The following POM121C variants were observed in gnomAD, a reference collection of about 807,000 sequenced individuals.
POM121C encodes POM121 transmembrane nucleoporin C, also known as nuclear envelope pore membrane protein POM 121C.
POM121C carries 20 observed loss-of-function variants against 66.4 expected under a neutral mutation model. That is an observed-to-expected ratio of 0.30 (90% CI 0.21 to 0.44). The LOEUF (loss-of-function observed/expected upper bound fraction) is 0.44, where lower values mean the gene tolerates loss of function less well. POM121C is among the 20% of genes least tolerant of loss of function. The pLI, the probability that POM121C is intolerant of heterozygous loss-of-function variation, is 1.00. For synonymous variants in POM121C, 286 were observed against 528.0 expected (o/e 0.54, Z 6.28); for missense variants, 580 against 1,225.7 (o/e 0.47, Z 7.87).
At chr7:75,432,366 G>C (rs755893606) in intron 7 of POM121C, among the ~76,000 whole-genome samples, 104 of 152,266 alleles carry the variant, frequency 6.8e-4, no homozygotes, top group Admixed American at 1.6e-3. Context: ...TCCCAGTGCG[G>C]AACAGTATAT....
chr7:75,454,756 C>T (rs1554476127), intron 3 of POM121C, among the ~76,000 whole-genome samples: 1 of 152,262 alleles, frequency 6.6e-6, no homozygotes, highest in Non-Finnish European at 1.5e-5. Context: ...TCTGCTGATG[C>T]CGGAGGCAGC....
intron 1 of POM121C, chr7:75,484,356 A>C (rs1792426454): frequency 5.8e-6 from 4 of 683,866 alleles, no homozygotes; most frequent in Admixed American, 4.6e-5. Context: ...CAATAGGCTA[A>C]CACCCTGTGA....
intron 3 of POM121C, among the ~76,000 whole-genome samples, chr7:75,450,263 G>A (rs1157488552): frequency 6.6e-6 from 1 of 151,524 alleles, no homozygotes; most frequent in Non-Finnish European, 1.5e-5. Context: ...TCCTAAATCC[G>A]AGAAGGAAAG....
chr7:75,430,148 G>C (rs1173353456), intron 7 of POM121C, among the ~76,000 whole-genome samples: 2 of 151,972 alleles, frequency 1.3e-5, no homozygotes, highest in African/African-American at 4.8e-5. Context: ...ACTTTTTTTT[G>C]TGTGTGTGGA....
chr7:75,449,579 G>A (rs1790952283), intron 3 of POM121C, among the ~76,000 whole-genome samples: 2 of 152,030 alleles, frequency 1.3e-5, no homozygotes, highest in African/African-American at 4.8e-5. Context: ...TGTTAGCCAG[G>A]ATGGTCTCGA....
In POM121C at chr7:75,486,001, C is replaced by A. The variant is rs1792528433; in HGVS notation, c.-595G>T. 4.1e-6 allele frequency: 2 copies of A among 484,048 alleles called. No individual in the cohort carries two copies. The highest frequency in any genetic ancestry group is 3.9e-5 in the African/African-American group (2 of 51,120). 30.0% of individuals were successfully genotyped at this position (484,048 alleles called of 1,614,324 possible). Reference sequence around the variant, plus strand: ...CTGTTCTGCTCCCGAGGGGCCCGGGCCGGGCCTACGGGGCAAATCCAGGCG... The same window carrying A: ...CTGTTCTGCTCCCGAGGGGCCCGGGACGGGCCTACGGGGCAAATCCAGGCG... On this transcript the variant is annotated 5_prime_UTR_variant, in exon 1 of 15. Transcript: ENST00000615331.
At chr7:75,465,895 CAAAAAAAA>C (rs35108311) in intron 3 of POM121C, among the ~76,000 whole-genome samples, 2 of 15,238 alleles carry the variant, frequency 1.3e-4, no homozygotes, top group African/African-American at 2.9e-4. Flanking sequence ...CACCCTGTCT[CAAAAAAAA>C]AAAAAAAAAA....
intron 3 of POM121C, among the ~76,000 whole-genome samples, chr7:75,473,813 C>G (rs1554478976): frequency 6.6e-6 from 1 of 151,302 alleles, no homozygotes; most frequent in Non-Finnish European, 1.5e-5. Context: ...CTCAGCCTCC[C>G]AAGTAGCTGG....
chr7:75,467,204 A>G (rs1791685791), intron 3 of POM121C, among the ~76,000 whole-genome samples: 5 of 152,208 alleles, frequency 3.3e-5, no homozygotes, highest in Admixed American at 3.3e-4. Context: ...ACTGTAGAGA[A>G]AATCAAAAAA....
intron 3 of POM121C, 106 bp downstream of exon 3, chr7:75,474,598 G>A: frequency 4.1e-6 from 2 of 487,486 alleles, no homozygotes; most frequent in Non-Finnish European, 3.8e-6. Context: ...ATATTTGGGG[G>A]TTGGGAGGTG....
At chr7:75,459,607 A>G (rs1397376793) in intron 3 of POM121C, among the ~76,000 whole-genome samples, 5 of 147,750 alleles carry the variant, frequency 3.4e-5, no homozygotes, top group African/African-American at 1.2e-4. Context: ...CTCAAAAAAA[A>G]AAAAAAAAAA....
At chr7:75,435,211 T>A (rs2116385917) in intron 7 of POM121C, among the ~76,000 whole-genome samples, 1 of 152,344 alleles carries the variant, frequency 6.6e-6, no homozygotes. Context: ...TATGCAGTTG[T>A]AAGACCAAAG....
At chr7:75,421,441 A>C in intron 13 of POM121C, 68 bp downstream of exon 13, 2 of 1,605,610 alleles carry the variant, frequency 1.2e-6, no homozygotes, top group Non-Finnish European at 1.7e-6. Flanking sequence ...GCTCCCCGAG[A>C]CCACAGGCTT....
chr7:75,439,593 C>T (rs1238292142), intron 5 of POM121C, among the ~76,000 whole-genome samples: 3 of 152,158 alleles, frequency 2.0e-5, no homozygotes, highest in African/African-American at 7.2e-5. Flanking sequence ...CCTATGTTGC[C>T]CAGGCTGGTC....
Position 75,474,835 on chromosome 7 carries a change from T to C in POM121C, c.-283A>G. On this transcript the variant is annotated 5_prime_UTR_variant, in exon 3 of 15. Coordinates refer to ENST00000615331, the MANE Select transcript of POM121C (RefSeq NM_001099415.3). The stretch of plus-strand genomic sequence containing the variant: ...GAAAAGAAGAAGGACTTGGGCAAGT[T>C]GCTCGGCTTCAGAATCTCCGAAGTA... The C allele has an allele frequency of 7.7e-7, 1 of 1,300,430 alleles. No homozygotes were observed. The highest frequency in any genetic ancestry group is 1.1e-6 in the Non-Finnish European group (1 of 913,420). 80.6% of individuals were successfully genotyped at this position (1,300,430 alleles called of 1,614,324 possible). A position where few individuals can be genotyped will look rare whatever the true frequency, so the allele number is the denominator to read the frequency against.
intron 1 of POM121C, among the ~76,000 whole-genome samples, chr7:75,478,599 G>A (rs1326131120): frequency 3.3e-5 from 5 of 151,736 alleles, no homozygotes; most frequent in Non-Finnish European, 5.9e-5. Context: ...AAAGACCCAC[G>A]CTAACCTTCT....
At position 75,417,028 on chromosome 7, in the gene POM121C, A is replaced by C. The variant is rs1171335069; in HGVS notation, c.*1768T>G. On this transcript the variant is annotated 3_prime_UTR_variant, in exon 15 of 15. Coordinates refer to ENST00000615331, the MANE Select transcript of POM121C (RefSeq NM_001099415.3). ...AACAAGCTCAGGTACTGACACTAGG[A>C]GGGTCTACCTTACATAAGGTACAGG... 2.0e-5 allele frequency: 25 copies of C among 1,224,824 alleles called. No individual in the cohort carries two copies. The highest frequency in any genetic ancestry group is 4.1e-6 in the Non-Finnish European group (4 of 974,320). 75.9% of individuals were successfully genotyped at this position (1,224,824 alleles called of 1,614,324 possible).
intron 1 of POM121C, among the ~76,000 whole-genome samples, chr7:75,481,059 A>T (rs2116551917): frequency 6.7e-6 from 1 of 148,202 alleles, no homozygotes; most frequent in African/African-American, 2.4e-5. Context: ...ATATATATAT[A>T]TACACATACG....
chr7:75,428,398 A>C (rs1790043175), intron 7 of POM121C, among the ~76,000 whole-genome samples: 1 of 152,100 alleles, frequency 6.6e-6, no homozygotes, highest in South Asian at 2.1e-4. Context: ...TTGGCCTCCC[A>C]AAGCACTAGG....
Sources: allele counts gnomAD v4.1 joint callset (sites outside exome capture counted in the v4.1 genomes callset), GRCh38; gene constraint gnomAD v4.1.1; transcripts MANE v1.5; gene names NCBI Gene and HGNC (gene_info 2026-07-23, HGNC 2026-07-21).